TCEAL9: variants seen among roughly 807,000 people sequenced by gnomAD.
TCEAL9 encodes the protein transcription elongation factor A like 9, also known as transcription elongation factor A protein-like 9.
A neutral mutation model predicts 5.2 loss-of-function variants in TCEAL9; 2 were observed. The ratio of observed to expected loss-of-function variants is 0.38; its 90% CI spans 0.16 to 1.21. The LOEUF (loss-of-function observed/expected upper bound fraction) is 1.21. Among genes scored for constraint, TCEAL9 ranks in the 50% most tolerant of loss-of-function variants. The pLI, the probability that TCEAL9 is intolerant of heterozygous loss-of-function variation, is 0.35. For synonymous variants in TCEAL9, 26 were observed against 22.3 expected (o/e 1.17, Z -0.47); for missense variants, 76 against 74.2 (o/e 1.02, Z -0.09).
chrX:103,357,749 A>G lies in TCEAL9; in HGVS notation c.65A>G (p.Glu22Gly), dbSNP rs778741314. ...GAGAGTGAACCAAAGCATGAGGAAGAGCCAAAGCCTGAGGAAAAGCCAGAA... is the reference window on the plus strand; with the variant it reads ...GAGAGTGAACCAAAGCATGAGGAAGGGCCAAAGCCTGAGGAAAAGCCAGAA... ...ENESEPKHEEEPKPEEKPEEE... is the reference protein window; with the variant it reads ...ENESEPKHEEGPKPEEKPEEE... Residue 22 changes from glutamate to glycine, a missense_variant, in exon 3 of 3, where the codon GAG becomes GGG. Transcript: ENST00000372661. 1 of 1,209,764 alleles carries G rather than the reference A, an allele frequency of 8.3e-7. No individual in the cohort carries two copies. The highest frequency in any genetic ancestry group is 1.8e-5 in the African/African-American group (1 of 57,123).
intron 1 of TCEAL9, 93 bp downstream of exon 1, chrX:103,356,699 A>G (rs1482124517): frequency 2.7e-5 from 3 of 109,329 alleles, no homozygotes; most frequent in Non-Finnish European, 5.7e-5. Context: ...CCGTCCCTCC[A>G]CCCTCCACCT....
At position 103,357,959 on chromosome X, in the gene TCEAL9, G is replaced by T. The variant is rs758127587; in HGVS notation, c.275G>T (p.Trp92Leu). 1 of 1,210,618 alleles carries T rather than the reference G, an allele frequency of 8.3e-7. No homozygotes were observed. Among genetic ancestry groups the T allele is most frequent in the Non-Finnish European group, 1.1e-6 (1 of 895,079 alleles). ...RVRNKLIVMR[W>L]KVNRNHPYPY... ...AGAAACAAACTTATAGTGATGCGTT[G>T]GAAGGTTAATCGAAACCATCCTTAC... is the stretch of plus-strand genomic sequence containing the variant. The change falls in exon 3 of 3, where the codon TGG (tryptophan) becomes TTG (leucine). Residue 92 changes from tryptophan (W) to leucine (L), a missense_variant. By Grantham distance (61) the Trp-to-Leu change is moderately conservative (BLOSUM62 -2). Coordinates refer to ENST00000372661, the MANE Select transcript of TCEAL9 (RefSeq NM_016303.3).
At chrX:103,357,578 C>G in intron 2 of TCEAL9, 37 bp from the exon 3 acceptor site, 4 of 1,039,010 alleles carry the variant, frequency 3.8e-6, no homozygotes, top group East Asian at 3.3e-5. Flanking sequence ...GTCCACTCAC[C>G]AAGTCTTTAA....
chrX:103,357,874 C>A lies in TCEAL9; in HGVS notation c.190C>A (p.His64Asn), dbSNP rs1427602501. 7 of 1,211,512 alleles carry A rather than the reference C, an allele frequency of 5.8e-6. No individual in the cohort carries two copies. The highest frequency in any genetic ancestry group is 7.8e-6 in the Non-Finnish European group (7 of 895,511). ...GTTTAAAGAAGATATACACAACAGG[C>A]ATTTAAGCAATGAAGATATGTTTAG... ...QEFKEDIHNR[H>N]LSNEDMFREV... Residue 64 changes from histidine (H) to asparagine (N), a missense_variant, in exon 3 of 3, where the codon CAT (histidine) becomes AAT (asparagine). Coordinates refer to ENST00000372661, the MANE Select transcript of TCEAL9 (RefSeq NM_016303.3).
chrX:103,357,939 CAAACTT>C lies in TCEAL9; in HGVS notation c.257_262del (p.Lys86_Leu87del), dbSNP rs1926921958. ...TAGATGAGATAAGGAGAGTCAGAAACAAACTTATAGTGATGCGTTGGAAGGTTAATC... is the reference window on the plus strand; with the variant it reads ...TAGATGAGATAAGGAGAGTCAGAAACATAGTGATGCGTTGGAAGGTTAATC... On this transcript the variant is annotated inframe_deletion, in exon 3 of 3. Transcript: ENST00000372661. The C allele has an allele frequency of 9.1e-6, 11 of 1,211,946 alleles. No homozygotes were observed. The highest frequency in any genetic ancestry group is 1.2e-5 in the Non-Finnish European group (11 of 895,541).
intron 1 of TCEAL9, 38 bp from the exon 2 acceptor site, chrX:103,357,045 G>C (rs1367391299): frequency 1.8e-5 from 2 of 110,089 alleles, no homozygotes; most frequent in African/African-American, 6.6e-5. Context: ...GGCCCACCAA[G>C]CGCTCGCCCC....
At position 103,358,018 on chromosome X, in the gene TCEAL9, T is replaced by C. The variant is rs1413750409; in HGVS notation, c.*19T>C. ...AATGTAGTTTACCTTGATTTTTATC[T>C]GATATTAACAATACCATATAGCTTG... is the stretch of plus-strand genomic sequence containing the variant. On this transcript the variant is annotated 3_prime_UTR_variant, in exon 3 of 3. Transcript: ENST00000372661. 6 of 1,165,007 alleles carry C rather than the reference T, an allele frequency of 5.2e-6. No homozygotes were observed. Among genetic ancestry groups the C allele is most frequent in the Non-Finnish European group, 6.9e-6 (6 of 868,266 alleles).
Position 103,357,642 on chromosome X carries a change from C to G in TCEAL9, c.-43C>G. On this transcript the variant is annotated 5_prime_UTR_variant, in exon 3 of 3. Coordinates refer to ENST00000372661, the MANE Select transcript of TCEAL9 (RefSeq NM_016303.3). ...GTCATTGTATTCAAAGAAGAATAAG[C>G]AAGAAAGAAAAGAAGGAAGGAAGAG... 1 of 1,135,221 alleles carries G rather than the reference C, an allele frequency of 8.8e-7. No homozygotes were observed. Among genetic ancestry groups the G allele is most frequent in the Non-Finnish European group, 1.2e-6 (1 of 862,113 alleles). The allele number at this position is 1,135,221 out of a possible 1,213,427, so 93.6% of individuals were successfully genotyped here. A position where few individuals can be genotyped will look rare whatever the true frequency, so the allele number is the denominator to read the frequency against.
rs1316023697 is a variant in TCEAL9 at position 103,357,666 on chromosome X, A to G, written c.-19A>G. 1 of 1,169,941 alleles carries G rather than the reference A, an allele frequency of 8.5e-7. No individual in the cohort carries two copies. The highest frequency in any genetic ancestry group is 1.1e-6 in the Non-Finnish European group (1 of 877,984). On this transcript the variant is annotated 5_prime_UTR_variant, in exon 3 of 3. Coordinates refer to ENST00000372661, the MANE Select transcript of TCEAL9 (RefSeq NM_016303.3). ...GCAAGAAAGAAAAGAAGGAAGGAAG[A>G]GAGGTAGACAGATACAAGATGAAAT...
At chrX:103,357,419 CAA>C (rs1216578583) in intron 2 of TCEAL9, 194 bp from the exon 3 acceptor site, 5 of 283,093 alleles carry the variant, frequency 1.8e-5, no homozygotes, top group African/African-American at 1.1e-4. Flanking sequence ...GAGGGAAGGA[CAA>C]GAGAGAAGTG....
At position 103,357,673 on chromosome X, in the gene TCEAL9, G is replaced by C; in HGVS notation, c.-12G>C. The stretch of plus-strand genomic sequence containing the variant: ...AGAAAAGAAGGAAGGAAGAGAGGTA[G>C]ACAGATACAAGATGAAATCCTGTCA... On this transcript the variant is annotated 5_prime_UTR_variant, in exon 3 of 3. Coordinates refer to ENST00000372661, the MANE Select transcript of TCEAL9 (RefSeq NM_016303.3). 4 of 1,189,659 alleles carry C rather than the reference G, an allele frequency of 3.4e-6. No individual in the cohort carries two copies. The highest frequency in any genetic ancestry group is 4.5e-6 in the Non-Finnish European group (4 of 885,773).
At position 103,357,732 on chromosome X, in the gene TCEAL9, A is replaced by G. The variant is rs754749104; in HGVS notation, c.48A>G (p.Glu16=). The G allele has an allele frequency of 5.0e-6, 6 of 1,211,209 alleles. No homozygotes were observed. Among genetic ancestry groups the G allele is most frequent in the Non-Finnish European group, 6.7e-6 (6 of 895,301 alleles). The stretch of plus-strand genomic sequence containing the variant: ...AAGGAAAACCAGAAAATGAGAGTGA[A>G]CCAAAGCATGAGGAAGAGCCAAAGC... ...KMEGKPENES[E]PKHEEEPKPE... The change falls in exon 3 of 3, where the codon GAA becomes GAG. Residue 16 remains glutamate (E), a synonymous_variant. Coordinates refer to ENST00000372661, the MANE Select transcript of TCEAL9 (RefSeq NM_016303.3).
Sources: allele counts gnomAD v4.1 joint callset, GRCh38; gene constraint gnomAD v4.1.1; transcripts MANE v1.5; gene names NCBI Gene and HGNC (gene_info 2026-07-23, HGNC 2026-07-21).